Variants in PPARGC1A observed in about 807,000 individuals in gnomAD.
PPARGC1A encodes PPARG coactivator 1 alpha.
A neutral mutation model predicts 88.7 loss-of-function variants in PPARGC1A; 25 were observed. The ratio of observed to expected loss-of-function variants is 0.28; its 90% CI spans 0.21 to 0.39. The LOEUF (loss-of-function observed/expected upper bound fraction) is 0.39. PPARGC1A is among the 10% of genes least tolerant of loss of function. The probability of loss-of-function intolerance (pLI) is 1.00; values close to 1 mark genes in which losing one functional copy is unlikely to be tolerated. For missense variants in PPARGC1A, 880 were observed against 968.7 expected (o/e 0.91, Z 1.22); for synonymous variants, 363 against 355.6 (o/e 1.02, Z -0.24).
chr4:24,204,978 C>A, the PPARGC1A span, among the ~76,000 whole-genome samples: 1 of 152,030 alleles, frequency 6.6e-6, no homozygotes, highest in Non-Finnish European at 1.5e-5. Flanking sequence ...CCCGCCACCA[C>A]GCCCAGCTAA....
chr4:24,066,390 G>A, the PPARGC1A span, among the ~76,000 whole-genome samples: 1 of 151,982 alleles, frequency 6.6e-6, no homozygotes, highest in African/African-American at 2.4e-5. Flanking sequence ...TCACCTGAAA[G>A]AGAGTTTTAA....
At chr4:24,456,675 T>C in the PPARGC1A span, among the ~76,000 whole-genome samples, 2 of 151,886 alleles carry the variant, frequency 1.3e-5, no homozygotes, top group African/African-American at 4.8e-5. Context: ...GTGGTTAACA[T>C]AATATATCAT....
At chr4:23,898,900 A>G (rs2946389) in intron 1 of PPARGC1A, among the ~76,000 whole-genome samples, 6,153 of 149,582 alleles carry the variant, frequency 0.041, 413 homozygotes, top group African/African-American at 0.14. Context: ...CAGTGGTGCA[A>G]TCTCAGCTCA....
intron 2 of PPARGC1A, among the ~76,000 whole-genome samples, chr4:23,842,265 C>T (rs1409329786): frequency 6.6e-6 from 1 of 152,074 alleles, no homozygotes. Context: ...GCTGGCTGGC[C>T]CAGTGTTGGT....
At chr4:23,930,131 T>C in the PPARGC1A span, among the ~76,000 whole-genome samples, 1 of 152,186 alleles carries the variant, frequency 6.6e-6, no homozygotes, top group Non-Finnish European at 1.5e-5. Context: ...TTCTGTTTCA[T>C]TTACCTTTAA....
rs1197100336 is a variant in PPARGC1A, at chr4:23,829,522, T to C, written c.493A>G (p.Ser165Gly). Reference sequence around the variant, plus strand: ...TTGTGATTTGCATGGTTCTGGGTACTGAGACCACTGCATTCATTATAACTT... The same window carrying C: ...TTGTGATTTGCATGGTTCTGGGTACCGAGACCACTGCATTCATTATAACTT... ...QLSYNECSGL[S>G]TQNHANHNHR... The change falls in exon 4 of 13, where the codon AGT becomes GGT. Residue 165 changes from serine to glycine, a missense_variant. Ser to Gly is a moderately conservative substitution (Grantham distance 56, BLOSUM62 0). Coordinates refer to ENST00000264867, the MANE Select transcript of PPARGC1A (RefSeq NM_013261.5). 6.2e-6 allele frequency: 10 copies of C among 1,613,412 alleles called. No individual in the cohort carries two copies. In the Admixed American group the frequency reaches 1.2e-4, roughly 19 times the overall value.
the PPARGC1A span, among the ~76,000 whole-genome samples, chr4:24,095,587 G>A: frequency 8.4e-4 from 128 of 152,232 alleles, no homozygotes; most frequent in African/African-American, 2.8e-3. Flanking sequence ...TCAGGGTGAT[G>A]CATCTACAAG....
chr4:24,434,514 A>G, the PPARGC1A span, among the ~76,000 whole-genome samples: 37 of 152,184 alleles, frequency 2.4e-4, no homozygotes, highest in Admixed American at 2.4e-3. Context: ...TTTCCAGGCG[A>G]TATCAGCTGC....
At chr4:23,829,111 T>C (rs1361792221) in intron 4 of PPARGC1A, among the ~76,000 whole-genome samples, 1 of 152,208 alleles carries the variant, frequency 6.6e-6, no homozygotes, top group Non-Finnish European at 1.5e-5. Flanking sequence ...TTTCTCAGGT[T>C]AGACAGCTAG....
the PPARGC1A span, among the ~76,000 whole-genome samples, chr4:23,983,184 C>A: frequency 6.6e-6 from 1 of 152,008 alleles, no homozygotes; most frequent in East Asian, 1.9e-4. Flanking sequence ...GTCATTGTAC[C>A]TACTTCAGAT....
At chr4:24,080,802 T>C in the PPARGC1A span, among the ~76,000 whole-genome samples, 2 of 152,104 alleles carry the variant, frequency 1.3e-5, no homozygotes, top group Non-Finnish European at 2.9e-5. Context: ...AGCTAGTCAA[T>C]GACAATGCAG....
At chr4:24,108,230 G>A in the PPARGC1A span, among the ~76,000 whole-genome samples, 1 of 152,104 alleles carries the variant, frequency 6.6e-6, no homozygotes, top group South Asian at 2.1e-4. Flanking sequence ...GAGGTCTCAA[G>A]GGACATATGC....
In PPARGC1A at chr4:23,814,555, A is replaced by G. The variant is rs1490526162; in HGVS notation, c.928T>C (p.Phe310Leu). The G allele has an allele frequency of 1.4e-5, 22 of 1,612,482 alleles. No individual in the cohort carries two copies. Among genetic ancestry groups the G allele is most frequent in the Non-Finnish European group, 1.9e-5 (22 of 1,179,506 alleles). The change falls in exon 8 of 13, where the codon TTT (phenylalanine) becomes CTT (leucine). Residue 310 changes from phenylalanine (F) to leucine (L), a missense_variant. By Grantham distance (22) the Phe-to-Leu change is conservative (BLOSUM62 0). Transcript: ENST00000264867. The stretch of plus-strand genomic sequence containing the variant: ...GACTTCAGCTTTGGAGAAGCCCTAA[A>G]AGGGTTATCTTGGTTGGCTTTATGA... ...PPHKANQDNP[F>L]RASPKLKSSC...
chr4:24,430,259 T>C, the PPARGC1A span, among the ~76,000 whole-genome samples: 5 of 142,202 alleles, frequency 3.5e-5, no homozygotes, highest in Admixed American at 1.4e-4. Context: ...GTATTTCTTT[T>C]TTTTTTTTTT....
chr4:24,460,840 TA>T, the PPARGC1A span, among the ~76,000 whole-genome samples: 1 of 152,254 alleles, frequency 6.6e-6, no homozygotes, highest in Non-Finnish European at 1.5e-5. Context: ...AAAAGTTTGG[TA>T]ATTTATTGAA....
chr4:24,382,873 T>G, the PPARGC1A span, among the ~76,000 whole-genome samples: 1 of 152,308 alleles, frequency 6.6e-6, no homozygotes, highest in Non-Finnish European at 1.5e-5. Context: ...CCCAGCACAG[T>G]GCTTGAGCTC....
intron 1 of PPARGC1A, 46 bp from the exon 2 acceptor site, chr4:23,884,977 A>C: frequency 6.9e-7 from 1 of 1,456,938 alleles, no homozygotes; most frequent in Non-Finnish European, 9.2e-7. Flanking sequence ...TCCATTAACC[A>C]CAGGAATTTA....
the PPARGC1A span, among the ~76,000 whole-genome samples, chr4:24,462,377 G>A: frequency 6.6e-6 from 1 of 151,846 alleles, no homozygotes. Context: ...GATTACAGGT[G>A]TGAGCCACCG....
the PPARGC1A span, among the ~76,000 whole-genome samples, chr4:24,018,313 C>A: frequency 2.0e-4 from 30 of 152,172 alleles, no homozygotes; most frequent in African/African-American, 7.2e-4. Flanking sequence ...TCTTTTTTAA[C>A]AACAGTCAGT....
Sources: allele counts gnomAD v4.1 joint callset (sites outside exome capture counted in the v4.1 genomes callset), GRCh38; gene constraint gnomAD v4.1.1; transcripts MANE v1.5; gene names NCBI Gene and HGNC (gene_info 2026-07-23, HGNC 2026-07-21).